The following GPR55 variants were observed in gnomAD, a reference collection of about 807,000 sequenced individuals.
GPR55 encodes the protein G-protein coupled receptor 55.
GPR55 carries 6 observed loss-of-function variants against 7.9 expected under a neutral mutation model. The observed-to-expected ratio is 0.76, with a 90% CI of 0.41 to 1.49. The LOEUF (loss-of-function observed/expected upper bound fraction) is 1.49, where lower values mean the gene tolerates loss of function less well. GPR55 is among the 40% of genes most tolerant of loss of function. GPR55 has a pLI of 0.01. For missense variants in GPR55, 376 were observed against 406.0 expected, an observed-to-expected ratio of 0.93 and a Z score of 0.63; for synonymous variants, 183 against 166.8, an observed-to-expected ratio of 1.10 and a Z score of -0.75.
intron 1 of GPR55, among the ~76,000 whole-genome samples, chr2:230,955,982 C>T (rs1691475748): frequency 6.6e-6 from 1 of 152,136 alleles, no homozygotes; most frequent in Non-Finnish European, 1.5e-5. Context: ...CCTCCTCAGC[C>T]TCCCAAAGTG....
chr2:230,910,349 A>G lies in GPR55; in HGVS notation c.614T>C (p.Ile205Thr), dbSNP rs1690558266. 1 of 1,613,856 alleles carries G rather than the reference A, an allele frequency of 6.2e-7. No homozygotes were observed. ...GIMGFCCSRS[I>T]HILLGRRDHT... is the part of the protein sequence containing the mutation. ...GTCTCGGCGGCCCAGCAGGATGTGG[A>G]TGCTCCTGGAGCAGCAGAAGCCCAT... The change falls in exon 2 of 2, where the codon ATC (isoleucine) becomes ACC (threonine). Residue 205 changes from isoleucine (I) to threonine (T), a missense_variant. By Grantham distance (89) the Ile-to-Thr change is moderately conservative. Transcript: ENST00000650999. The surrounding 1 kb of genome is among the most constrained non-coding windows in gnomAD (Gnocchi z 5.4).
intron 1 of GPR55, among the ~76,000 whole-genome samples, chr2:230,950,097 G>A (rs1691377334): frequency 6.6e-6 from 1 of 152,252 alleles, no homozygotes; most frequent in African/African-American, 2.4e-5. Flanking sequence ...CAAGTGCTGG[G>A]ATTACAGGCG....
upstream of GPR55, among the ~76,000 whole-genome samples, chr2:230,925,546 C>G (rs1396662509): frequency 6.6e-6 from 1 of 152,158 alleles, no homozygotes; most frequent in Non-Finnish European, 1.5e-5. Context: ...TGGGAAGCCT[C>G]TGGAGGAGGA....
At chr2:230,942,621 G>A (rs371251357) in intron 1 of GPR55, among the ~76,000 whole-genome samples, 34 of 151,092 alleles carry the variant, frequency 2.3e-4, no homozygotes, top group Non-Finnish European at 3.8e-4. Context: ...AGAGAGGGAG[G>A]CCAAGCCAAA....
At chr2:230,957,696 T>G in intron 1 of GPR55, 1 of 548,402 alleles carries the variant, frequency 1.8e-6, no homozygotes, top group South Asian at 1.4e-5. Flanking sequence ...GATTCAATAT[T>G]GTATGGTTCA....
chr2:230,953,237 A>C (rs995654647), intron 1 of GPR55, among the ~76,000 whole-genome samples: 1 of 152,212 alleles, frequency 6.6e-6, no homozygotes, highest in African/African-American at 2.4e-5. Context: ...GTCTAGGTAC[A>C]AATCTCAAGA....
In GPR55 at chr2:230,944,066, C is replaced by A. The variant is rs761005855; in HGVS notation, c.-135+16709G>T. On this transcript the variant is annotated intron_variant, in intron 1 of 1. Coordinates refer to the GPR55 transcript ENST00000392039. This position sits in a 1 kb window ranked among gnomAD's most constrained non-coding sequence, Gnocchi z 4.2. ...CCCTGGCCCTAGCCCAGGAGGAGGA[C>A]CAGCAAGAGTAGTGAAGTGAGAAGC... Among the ~76,000 whole-genome samples, 23 of 152,198 alleles carry A rather than the reference C, an allele frequency of 1.5e-4. No homozygotes were observed. The highest frequency in any genetic ancestry group is 6.3e-3 in the Middle Eastern group (2 of 316).
upstream of GPR55, among the ~76,000 whole-genome samples, chr2:230,927,483 A>G (rs1690962592): frequency 6.6e-6 from 1 of 152,188 alleles, no homozygotes; most frequent in South Asian, 2.1e-4. Flanking sequence ...CCCTTGCCAC[A>G]GGCCTGGGGA....
chr2:230,944,679 A>G lies in GPR55; in HGVS notation c.-135+16096T>C, dbSNP rs1691284340. On this transcript the variant is annotated intron_variant, in intron 1 of 1. Transcript: ENST00000392039. This position sits in a 1 kb window ranked among gnomAD's most constrained non-coding sequence, Gnocchi z 4.2. ...GAATATAACTGAATGCTTTGTCACA[A>G]ATTTACTTTGATCTCATGTACCCCG... Among the ~76,000 whole-genome samples the G allele has an allele frequency of 6.6e-6, 1 of 152,212 alleles. No individual in the cohort carries two copies. Among genetic ancestry groups the G allele is most frequent in the African/African-American group, 2.4e-5 (1 of 41,436 alleles).
upstream of GPR55, among the ~76,000 whole-genome samples, chr2:230,925,543 C>A (rs556882558): frequency 6.6e-6 from 1 of 152,276 alleles, no homozygotes; most frequent in Admixed American, 6.5e-5. Context: ...CCCTGGGAAG[C>A]CTCTGGAGGA....
At chr2:230,941,317 G>A (rs1024382517) in intron 1 of GPR55, among the ~76,000 whole-genome samples, 1 of 152,166 alleles carries the variant, frequency 6.6e-6, no homozygotes, top group Non-Finnish European at 1.5e-5. Context: ...AGTCCACAGT[G>A]AGCAGGGCCC....
chr2:230,933,711 C>T (rs966099309), intron 1 of GPR55, among the ~76,000 whole-genome samples: 1 of 152,238 alleles, frequency 6.6e-6, no homozygotes, highest in Non-Finnish European at 1.5e-5. Flanking sequence ...GCAGCAGCCC[C>T]TGCGCCGGCA....
chr2:230,923,711 T>C lies in GPR55; in HGVS notation c.-135+1457A>G, dbSNP rs553844715. 6.6e-6 allele frequency among the ~76,000 whole-genome samples: 1 copy of C among 152,088 alleles called. No individual in the cohort carries two copies. Among genetic ancestry groups the C allele is most frequent in the Non-Finnish European group, 1.5e-5 (1 of 68,008 alleles). On this transcript the variant is annotated intron_variant, in intron 1 of 1. Transcript: ENST00000650999. The surrounding 1 kb of genome is among the most constrained non-coding windows in gnomAD (Gnocchi z 4.1). Reference sequence around the variant, plus strand: ...GGGAACTCAGGACACTCCTAGGAGATTGCCCTAATTATGCCCATTTTACAG... The same window carrying C: ...GGGAACTCAGGACACTCCTAGGAGACTGCCCTAATTATGCCCATTTTACAG...
In GPR55 at chr2:230,911,109, A is replaced by G; in HGVS notation, c.-134-13T>C. ...CATTGAATCACAACTAGAACACAGA[A>G]AAGAAAAATTACCTTTAATCCTGCT... On this transcript the variant is annotated splice_polypyrimidine_tract_variant and intron_variant, in intron 1 of 1. Transcript: ENST00000650999. The G allele has an allele frequency of 1.3e-6, 1 of 792,942 alleles. No individual in the cohort carries two copies. The highest frequency in any genetic ancestry group is 2.0e-6 in the Non-Finnish European group (1 of 491,012). The allele number at this position is 792,942 out of a possible 1,614,324, so 49.1% of individuals were successfully genotyped here.
At position 230,910,186 on chromosome 2, in the gene GPR55, C is replaced by T. The variant is rs747488065; in HGVS notation, c.777G>A (p.Glu259=). The T allele has an allele frequency of 8.1e-6, 13 of 1,614,194 alleles. No homozygotes were observed. In the Admixed American group the frequency reaches 2.2e-4, roughly 27 times the overall value. ...QFLVRNSFIV[E]CRAKQSISFF... ...AGCTGATGCTCTGCTTGGCTCTGCA[C>T]TCTACGATAAAGCTGTTTCTCACCA... The change falls in exon 2 of 2, where the codon GAG becomes GAA. Residue 259 remains glutamate (E), a synonymous_variant. Transcript: ENST00000650999. This position sits in a 1 kb window ranked among gnomAD's most constrained non-coding sequence, Gnocchi z 5.4.
intron 1 of GPR55, among the ~76,000 whole-genome samples, chr2:230,935,362 G>A (rs954469793): frequency 6.6e-6 from 1 of 152,208 alleles, no homozygotes; most frequent in African/African-American, 2.4e-5. Context: ...AGGCTGACGG[G>A]CTCCATGGAC....
intron 1 of GPR55, among the ~76,000 whole-genome samples, chr2:230,951,864 TC>T (rs1691409313): frequency 6.6e-6 from 1 of 151,670 alleles, no homozygotes; most frequent in Non-Finnish European, 1.5e-5. Context: ...GCTCAGATGA[TC>T]CTCTTACCTC....
chr2:230,934,576 G>A (rs1296301810), intron 1 of GPR55, among the ~76,000 whole-genome samples: 3 of 152,294 alleles, frequency 2.0e-5, no homozygotes, highest in South Asian at 2.1e-4. Context: ...GAGCCCGGCC[G>A]CCTCCCTCCC....
At chr2:230,935,208 A>G (rs1270468999) in intron 1 of GPR55, among the ~76,000 whole-genome samples, 1 of 152,114 alleles carries the variant, frequency 6.6e-6, no homozygotes, top group African/African-American at 2.4e-5. Context: ...GTTTTAGTTC[A>G]GGCTGCCTGG....
Sources: allele counts gnomAD v4.1 joint callset (sites outside exome capture counted in the v4.1 genomes callset), GRCh38; gene constraint gnomAD v4.1.1; non-coding constraint Gnocchi (gnomAD v3.1); transcripts MANE v1.5; gene names NCBI Gene and HGNC (gene_info 2026-07-23, HGNC 2026-07-21).